Variants in SPATA7 observed in about 807,000 individuals in gnomAD.
SPATA7 encodes the protein spermatogenesis associated 7, also known as spermatogenesis-associated protein 7.
Under a neutral mutation model 51.8 loss-of-function variants are expected in SPATA7, and 43 were observed. That is an observed-to-expected ratio of 0.83 (90% CI 0.65 to 1.07). The LOEUF (loss-of-function observed/expected upper bound fraction) is 1.07. Among genes scored for constraint, SPATA7 ranks in the 50% least tolerant of loss-of-function variants. SPATA7 has a pLI of 0.00. For missense variants in SPATA7, 683 were observed against 701.3 expected (o/e 0.97, Z 0.30); for synonymous variants, 230 against 252.8 (o/e 0.91, Z 0.86).
chr14:88,415,882 T>C (rs1260827445), intron 4 of SPATA7: 1 of 152,228 alleles, frequency 6.6e-6, no homozygotes, highest in African/African-American at 2.4e-5. Context: ...GATTGGATCA[T>C]GTCTGTGAAT....
At chr14:88,403,658 T>A (rs1341633167) in intron 4 of SPATA7, among the ~76,000 whole-genome samples, 1 of 152,134 alleles carries the variant, frequency 6.6e-6, no homozygotes, top group East Asian at 1.9e-4. Flanking sequence ...CTTGCCTGTG[T>A]CTGGATTATT....
chr14:88,397,813 T>C (rs1315437182), intron 4 of SPATA7, among the ~76,000 whole-genome samples: 1 of 152,148 alleles, frequency 6.6e-6, no homozygotes, highest in Non-Finnish European at 1.5e-5. Context: ...CCTTTGTTTT[T>C]GATTTCAATT....
chr14:88,462,637 T>C (rs1353306986), intron 4 of SPATA7, among the ~76,000 whole-genome samples: 1 of 152,248 alleles, frequency 6.6e-6, no homozygotes, highest in Admixed American at 6.5e-5. Context: ...ACTGAAATTA[T>C]GTCGCTTGTG....
chr14:88,438,739 T>G (rs1044891997), downstream of SPATA7, among the ~76,000 whole-genome samples: 3 of 152,230 alleles, frequency 2.0e-5, no homozygotes, highest in Admixed American at 2.0e-4. Flanking sequence ...ATTTGAGGGC[T>G]TCGTTGTCTT....
intron 3 of SPATA7, among the ~76,000 whole-genome samples, chr14:88,395,850 T>A (rs760349474): frequency 1.1e-4 from 17 of 152,162 alleles, no homozygotes; most frequent in Non-Finnish European, 2.2e-4. Context: ...AATCAGGTAG[T>A]GTAAGTCTTC....
downstream of SPATA7, among the ~76,000 whole-genome samples, chr14:88,441,292 G>T (rs374740364): frequency 6.6e-6 from 1 of 152,062 alleles, no homozygotes; most frequent in Non-Finnish European, 1.5e-5. Flanking sequence ...ATTGTGAATT[G>T]TACTCCTATA....
chr14:88,426,468 CAGA>C lies in SPATA7; in HGVS notation c.612_614del (p.Arg204del), dbSNP rs1305015437. 6.2e-7 allele frequency: 1 copy of C among 1,614,166 alleles called. No individual in the cohort carries two copies. Among genetic ancestry groups the C allele is most frequent in the East Asian group, 2.2e-5 (1 of 44,876 alleles). On this transcript the variant is annotated inframe_deletion, in exon 6 of 12. Transcript: ENST00000393545. ...CTGGAGCCCTGTATGGCAGAAGGCC[CAGA>C]AGCACATTCCCAAATTCCCACCGGT...
intron 4 of SPATA7, among the ~76,000 whole-genome samples, chr14:88,468,612 G>A (rs1034190115): frequency 1.3e-5 from 2 of 152,158 alleles, no homozygotes; most frequent in Non-Finnish European, 2.9e-5. Context: ...AGGGCTCTGG[G>A]CAGCATGAAT....
intron 4 of SPATA7, among the ~76,000 whole-genome samples, chr14:88,465,147 TA>T (rs2077348169): frequency 1.3e-5 from 2 of 152,284 alleles, no homozygotes; most frequent in East Asian, 3.9e-4. Flanking sequence ...ATGACTACAA[TA>T]AGCATTCCAA....
At chr14:88,400,229 A>C (rs1261474263) in intron 4 of SPATA7, among the ~76,000 whole-genome samples, 1 of 152,226 alleles carries the variant, frequency 6.6e-6, no homozygotes, top group Non-Finnish European at 1.5e-5. Context: ...TTGAACAAGT[A>C]TTGAGTCAAA....
intron 3 of SPATA7, among the ~76,000 whole-genome samples, chr14:88,446,123 TTTGG>T (rs1023144555): frequency 2.0e-5 from 3 of 152,024 alleles, no homozygotes; most frequent in African/African-American, 7.2e-5. Flanking sequence ...TCCTGGACTC[TTTGG>T]TTGGTAAGCT....
intron 5 of SPATA7, among the ~76,000 whole-genome samples, chr14:88,417,554 C>G (rs1003110344): frequency 6.6e-6 from 1 of 152,078 alleles, no homozygotes; most frequent in African/African-American, 2.4e-5. Context: ...GATCTGCCCA[C>G]CTCGGCCTCC....
chr14:88,450,355 A>G (rs1595313620), intron 3 of SPATA7, among the ~76,000 whole-genome samples: 1 of 152,088 alleles, frequency 6.6e-6, no homozygotes, highest in South Asian at 2.1e-4. Flanking sequence ...TTGCCTGAAT[A>G]CCTTAGGTTT....
rs565866259 is a variant in SPATA7, at chr14:88,396,873, T to C, written c.238+670T>C. 1.4e-3 allele frequency among the ~76,000 whole-genome samples: 141 copies of C among 101,112 alleles called. 1 individual carries two copies. Among genetic ancestry groups the C allele is most frequent in the African/African-American group, 3.7e-3 (132 of 35,854 alleles). 66.3% of individuals were successfully genotyped at this position (101,112 alleles called of 152,430 possible). On this transcript the variant is annotated intron_variant, in intron 4 of 11. Transcript: ENST00000393545. ...ATACTATTTTCTTTTCTTTTCTTTTTTCTTTTTTTTTTTTTGAGACAGGGT... is the reference window on the plus strand; with the variant it reads ...ATACTATTTTCTTTTCTTTTCTTTTCTCTTTTTTTTTTTTTGAGACAGGGT...
intron 4 of SPATA7, among the ~76,000 whole-genome samples, chr14:88,462,386 C>T (rs557361473): frequency 1.3e-5 from 2 of 152,350 alleles, no homozygotes; most frequent in East Asian, 3.8e-4. Context: ...CTGACAGACT[C>T]ATATCCTGTC....
In SPATA7 at chr14:88,385,853, C is replaced by T; in HGVS notation, c.19+16C>T. On this transcript the variant is annotated intron_variant, in intron 1 of 11. Transcript: ENST00000393545. ...AGCCGGAGAGGTAAAGGGCAGCTGT[C>T]AGGGGCTACCGCCGCCTCGCCCCTC... The T allele has an allele frequency of 1.3e-6, 2 of 1,597,204 alleles. No homozygotes were observed. The highest frequency in any genetic ancestry group is 1.7e-6 in the Non-Finnish European group (2 of 1,172,846).
chr14:88,463,947 A>C (rs1409832583), intron 4 of SPATA7, among the ~76,000 whole-genome samples: 1 of 151,960 alleles, frequency 6.6e-6, no homozygotes, highest in African/African-American at 2.4e-5. Context: ...TCCTGGGTTC[A>C]AGCAATTCTC....
In SPATA7 at chr14:88,398,508, T is replaced by C. The variant is rs1342747836; in HGVS notation, c.238+2305T>C. 1.7e-4 allele frequency among the ~76,000 whole-genome samples: 24 copies of C among 144,580 alleles called. No individual in the cohort carries two copies. In the East Asian group the frequency reaches 3.5e-3, roughly 21 times the overall value. 94.9% of individuals were successfully genotyped at this position (144,580 alleles called of 152,430 possible). A position where few individuals can be genotyped will look rare whatever the true frequency, so the allele number is the denominator to read the frequency against. ...GTGGGGGGAGGGGGGAGGGATAGCA[T>C]TGGGAGATATACCTAATGCTAGATG... On this transcript the variant is annotated intron_variant, in intron 4 of 11. Transcript: ENST00000393545.
intron 5 of SPATA7, among the ~76,000 whole-genome samples, 170 bp downstream of exon 5, chr14:88,417,014 T>C (rs1392013074): frequency 6.6e-6 from 1 of 152,166 alleles, no homozygotes; most frequent in African/African-American, 2.4e-5. Context: ...TACTCTGCCA[T>C]TGGAAGGCAG....
Sources: gnomAD v4.1 joint callset for allele counts (sites outside exome capture counted in the v4.1 genomes callset) on GRCh38, gnomAD v4.1.1 for gene constraint, MANE v1.5 for transcripts, NCBI Gene and HGNC (gene_info 2026-07-23, HGNC 2026-07-21) for gene names.